CNTNAP2: variants seen among roughly 807,000 people sequenced by gnomAD.
CNTNAP2 encodes the protein contactin associated protein 2, also known as contactin-associated protein-like 2.
Under a neutral mutation model 155.2 loss-of-function variants are expected in CNTNAP2, and 98 were observed. The observed-to-expected ratio is 0.63, with a 90% CI of 0.54 to 0.75. The LOEUF (loss-of-function observed/expected upper bound fraction) is 0.75. Ranked by LOEUF, CNTNAP2 falls within the 30% of genes least tolerant of loss-of-function variation. The pLI is 0.00. For synonymous variants in CNTNAP2, 651 were observed against 631.2 expected (o/e 1.03, Z -0.47); for missense variants, 1,727 against 1,688.1 (o/e 1.02, Z -0.40).
At chr7:148,169,595 A>C (rs1288520547) in intron 17 of CNTNAP2, among the ~76,000 whole-genome samples, 1 of 152,246 alleles carries the variant, frequency 6.6e-6, no homozygotes, top group African/African-American at 2.4e-5. Flanking sequence ...GAAATAAGTG[A>C]TAGTGCATTC....
At chr7:146,963,696 G>T (rs12703867) in intron 3 of CNTNAP2, among the ~76,000 whole-genome samples, 48,993 of 151,948 alleles carry the variant, frequency 0.32, 8,880 homozygotes, top group Middle Eastern at 0.42. Context: ...AAATTTCATA[G>T]TGTTGAAAAA....
At chr7:148,359,438 G>A (rs1309216389) in intron 21 of CNTNAP2, among the ~76,000 whole-genome samples, 1 of 152,198 alleles carries the variant, frequency 6.6e-6, no homozygotes, top group Non-Finnish European at 1.5e-5. Context: ...TTTTTGTAGG[G>A]AGAGCTGGAG....
At chr7:147,875,166 T>C (rs28446588) in intron 13 of CNTNAP2, among the ~76,000 whole-genome samples, 6,009 of 152,296 alleles carry the variant, frequency 0.039, 383 homozygotes, top group African/African-American at 0.14. Context: ...CAGTACACCA[T>C]TTCCCGGTAC....
chr7:146,366,271 G>A (rs1420347547), intron 1 of CNTNAP2, among the ~76,000 whole-genome samples: 5 of 151,572 alleles, frequency 3.3e-5, no homozygotes, highest in African/African-American at 4.8e-5. Flanking sequence ...TTTTTTATCC[G>A]TTAGTCTAGA....
intron 1 of CNTNAP2, among the ~76,000 whole-genome samples, chr7:146,231,042 A>ATAAATAAATAAATAAATAAATAAATAAG (rs76111973): frequency 2.1e-4 from 31 of 150,486 alleles, no homozygotes; most frequent in Admixed American, 8.0e-4. Context: ...AAATAAATAA[A>ATAAATAAATAAATAAATAAATAAATAAG]AAGTTAATAT....
intron 15 of CNTNAP2, among the ~76,000 whole-genome samples, chr7:148,115,066 G>A (rs773977128): frequency 6.6e-6 from 1 of 152,196 alleles, no homozygotes. Context: ...CCAGGATAGT[G>A]GGAAAAACCA....
At chr7:147,661,463 C>G (rs768288507) in intron 13 of CNTNAP2, among the ~76,000 whole-genome samples, 6 of 152,040 alleles carry the variant, frequency 3.9e-5, no homozygotes, top group Non-Finnish European at 7.4e-5. Context: ...TTCAGTAGTA[C>G]CTGTTGTATG....
chr7:147,144,135 G>C (rs1801653242), intron 8 of CNTNAP2, among the ~76,000 whole-genome samples: 1 of 152,114 alleles, frequency 6.6e-6, no homozygotes, highest in South Asian at 2.1e-4. Flanking sequence ...TGGGAGTCTA[G>C]TCTGACTTGC....
At chr7:147,414,955 A>AAAAG (rs1210768440) in intron 10 of CNTNAP2, among the ~76,000 whole-genome samples, 15 of 150,462 alleles carry the variant, frequency 1.0e-4, no homozygotes, top group Non-Finnish European at 1.8e-4. Context: ...AAAAAAAAAA[A>AAAAG]AAAAAAAAGA....
At chr7:147,421,443 T>C (rs1220708019) in intron 10 of CNTNAP2, among the ~76,000 whole-genome samples, 1 of 152,082 alleles carries the variant, frequency 6.6e-6, no homozygotes, top group Admixed American at 6.6e-5. Flanking sequence ...AGTCACAGCA[T>C]CCATTCTATT....
In CNTNAP2 at chr7:147,486,006, A is replaced by G. The variant is rs200461515; in HGVS notation, c.1742A>G (p.Asp581Gly). The G allele has an allele frequency of 6.2e-7, 1 of 1,614,082 alleles. No homozygotes were observed. The highest frequency in any genetic ancestry group is 1.3e-5 in the African/African-American group (1 of 75,028). The change falls in exon 11 of 24, where the codon GAT becomes GGT. Residue 581 changes from aspartate to glycine, a missense_variant. Physicochemically the swap from Asp to Gly is moderately conservative, Grantham distance 94 (BLOSUM62 -1). Coordinates refer to ENST00000361727, the MANE Select transcript of CNTNAP2 (RefSeq NM_014141.6). ...QTWDSFKCTCDETGYSGATCH... is the reference protein window; with the variant it reads ...QTWDSFKCTCGETGYSGATCH... Reference sequence around the variant, plus strand: ...TGGGACAGCTTCAAATGCACTTGTGATGAGACAGGATACAGTGGGGCCACC... The same window carrying G: ...TGGGACAGCTTCAAATGCACTTGTGGTGAGACAGGATACAGTGGGGCCACC...
chr7:146,269,080 G>A (rs149225052), intron 1 of CNTNAP2, among the ~76,000 whole-genome samples: 2,047 of 152,260 alleles, frequency 0.013, 12 homozygotes, highest in Non-Finnish European at 0.019. Flanking sequence ...GGTGGCTCAC[G>A]CCTGTAATCC....
chr7:148,217,053 G>A (rs2116756488), intron 18 of CNTNAP2, among the ~76,000 whole-genome samples: 1 of 150,912 alleles, frequency 6.6e-6, no homozygotes, highest in East Asian at 1.9e-4. Flanking sequence ...CCAGTCTCTG[G>A]TATGTCTTTA....
At chr7:148,022,485 GA>G (rs1384256275) in intron 15 of CNTNAP2, among the ~76,000 whole-genome samples, 7 of 64,188 alleles carry the variant, frequency 1.1e-4, no homozygotes, top group Non-Finnish European at 2.2e-4. Flanking sequence ...AAAAAAAAAA[GA>G]AAAGAAAAGA....
chr7:147,390,911 AC>A (rs1796703876), intron 9 of CNTNAP2, among the ~76,000 whole-genome samples: 1 of 152,038 alleles, frequency 6.6e-6, no homozygotes, highest in Non-Finnish European at 1.5e-5. Flanking sequence ...CTTTTTCCAC[AC>A]ACGAAGTACA....
rs969028699 is a variant in CNTNAP2, at chr7:148,211,619, T to A, written c.3011-5669T>A. Among the ~76,000 whole-genome samples, 3 of 152,206 alleles carry A rather than the reference T, an allele frequency of 2.0e-5. No individual in the cohort carries two copies. The South Asian group carries it at 6.2e-4, about 32-fold the overall frequency. On this transcript the variant is annotated intron_variant, in intron 18 of 23. Coordinates refer to ENST00000361727, the MANE Select transcript of CNTNAP2 (RefSeq NM_014141.6). ...AATTTTTCCCTCCCCCTCAAGCCAG[T>A]TGCTTAACATCTACCAACTTACCAT...
intron 1 of CNTNAP2, among the ~76,000 whole-genome samples, chr7:146,267,476 ATGTT>A (rs1436723210): frequency 4.6e-5 from 7 of 152,162 alleles, no homozygotes; most frequent in Non-Finnish European, 1.0e-4. Flanking sequence ...TATGGACTGA[ATGTT>A]TGTGTCCCCA....
intron 1 of CNTNAP2, among the ~76,000 whole-genome samples, chr7:146,235,132 C>A (rs1380706995): frequency 6.6e-6 from 1 of 151,792 alleles, no homozygotes; most frequent in African/African-American, 2.4e-5. Context: ...ATAGAAAATA[C>A]ATCTTAAGAT....
At chr7:146,537,889 A>G (rs1007688105) in intron 1 of CNTNAP2, among the ~76,000 whole-genome samples, 1 of 152,098 alleles carries the variant, frequency 6.6e-6, no homozygotes, top group African/African-American at 2.4e-5. Flanking sequence ...GAATGAAACT[A>G]CAATGGCTAG....
Sources: gnomAD v4.1 joint callset for allele counts (sites outside exome capture counted in the v4.1 genomes callset) on GRCh38, gnomAD v4.1.1 for gene constraint, MANE v1.5 for transcripts, NCBI Gene and HGNC (gene_info 2026-07-23, HGNC 2026-07-21) for gene names.